Variants in CHRM3 observed in about 807,000 individuals in gnomAD.
The protein encoded by CHRM3 is cholinergic receptor muscarinic 3, also known as muscarinic acetylcholine receptor M3.
In CHRM3, 11 loss-of-function variants were observed where a neutral mutation model predicts 41.8. The observed-to-expected ratio is 0.26, with a 90% confidence interval of 0.17 to 0.44. CHRM3 has a LOEUF of 0.44. Ranked by LOEUF, CHRM3 falls within the 20% of genes least tolerant of loss-of-function variation. The probability of loss-of-function intolerance (pLI) is 1.00; values close to 1 mark genes in which losing one functional copy is unlikely to be tolerated. For missense variants in CHRM3, 571 were observed against 745.4 expected, an observed-to-expected ratio of 0.77 and a Z score of 2.72; for synonymous variants, 297 against 301.4, an observed-to-expected ratio of 0.99 and a Z score of 0.15.
intron 3 of CHRM3, among the ~76,000 whole-genome samples, chr1:239,609,351 T>C (rs1293786991): frequency 1.3e-5 from 2 of 152,236 alleles, no homozygotes; most frequent in African/African-American, 4.8e-5. Context: ...TCTTGCTTAG[T>C]ACTACTCCAT....
chr1:239,863,520 A>G (rs549996106), intron 6 of CHRM3, among the ~76,000 whole-genome samples: 27 of 152,158 alleles, frequency 1.8e-4, no homozygotes, highest in Admixed American at 1.3e-3. Context: ...TGGTCATCCC[A>G]TGGAAGGAAT....
rs1674519813 is a variant in CHRM3 at position 239,672,881 on chromosome 1, C to G, written c.-249-5305C>G. ...GTGGGTAGTGCAGTTTCCCCACCTT[C>G]CTATCATGTCTAAAAGACACGAGAT... is the stretch of plus-strand genomic sequence containing the variant. On this transcript the variant is annotated intron_variant, in intron 4 of 6. Coordinates refer to ENST00000676153, the MANE Select transcript of CHRM3 (RefSeq NM_001375978.1). 2.6e-5 allele frequency among the ~76,000 whole-genome samples: 4 copies of G among 152,048 alleles called. No individual in the cohort carries two copies. The East Asian group carries it at 7.7e-4, about 29-fold the overall frequency.
At chr1:239,709,055 C>A (rs1661498940) in intron 5 of CHRM3, among the ~76,000 whole-genome samples, 1 of 152,004 alleles carries the variant, frequency 6.6e-6, no homozygotes. Context: ...AAATTATACT[C>A]CCTAAAACAT....
intron 1 of CHRM3, among the ~76,000 whole-genome samples, chr1:239,489,763 A>G (rs900140209): frequency 6.6e-6 from 1 of 152,190 alleles, no homozygotes; most frequent in Non-Finnish European, 1.5e-5. Context: ...TCGAGGAACT[A>G]GTGTACAATG....
At chr1:239,452,820 A>C (rs1055367724) in intron 1 of CHRM3, among the ~76,000 whole-genome samples, 1 of 151,878 alleles carries the variant, frequency 6.6e-6, no homozygotes, top group Non-Finnish European at 1.5e-5. Flanking sequence ...ATTTTTTTTG[A>C]GACGGAGTCT....
chr1:239,563,324 A>G lies in CHRM3; in HGVS notation c.-313+17575A>G, dbSNP rs374138499. Among the ~76,000 whole-genome samples, 14 of 152,284 alleles carry G rather than the reference A, an allele frequency of 9.2e-5. 1 individual carries two copies. Among genetic ancestry groups the G allele is most frequent in the Admixed American group, 7.8e-4 (12 of 15,292 alleles). ...TGGTTTACCCCAAGTCAGGAAGACA[A>G]GGTCAGCTCAGAGTGGGCATAAAAT... On this transcript the variant is annotated intron_variant, in intron 3 of 6. Transcript: ENST00000676153.
chr1:239,740,028 G>C (rs958170457), intron 5 of CHRM3, among the ~76,000 whole-genome samples: 1 of 152,176 alleles, frequency 6.6e-6, no homozygotes, highest in Admixed American at 6.5e-5. Context: ...AAGAGTGATA[G>C]AGAAGGAATA....
intron 6 of CHRM3, among the ~76,000 whole-genome samples, chr1:239,843,781 T>C (rs1283753929): frequency 6.6e-6 from 1 of 152,154 alleles, no homozygotes. Context: ...TAGTTTTAGT[T>C]TCTCTTTCAA....
At chr1:239,724,410 C>T (rs1663248571) in intron 5 of CHRM3, among the ~76,000 whole-genome samples, 1 of 151,896 alleles carries the variant, frequency 6.6e-6, no homozygotes, top group African/African-American at 2.4e-5. Context: ...ATGGTAGTGG[C>T]TAAGAGTCAG....
chr1:239,664,426 A>G (rs16842802), intron 4 of CHRM3, among the ~76,000 whole-genome samples: 4,478 of 152,266 alleles, frequency 0.029, 223 homozygotes, highest in African/African-American at 0.1. Context: ...CCTCTAAAAT[A>G]CTTTCCAAAA....
At chr1:239,862,166 T>C (rs1042560031) in intron 6 of CHRM3, among the ~76,000 whole-genome samples, 20 of 152,244 alleles carry the variant, frequency 1.3e-4, no homozygotes, top group African/African-American at 4.6e-4. Context: ...TCATGGTTTT[T>C]GTATTTTCTA....
intron 1 of CHRM3, among the ~76,000 whole-genome samples, chr1:239,393,022 T>A (rs1409861969): frequency 6.6e-6 from 1 of 152,230 alleles, no homozygotes; most frequent in African/African-American, 2.4e-5. Context: ...TGGCTGAGCA[T>A]AGTGGCATAC....
At chr1:239,773,019 G>A (rs1196193029) in intron 5 of CHRM3, among the ~76,000 whole-genome samples, 1 of 152,178 alleles carries the variant, frequency 6.6e-6, no homozygotes. Flanking sequence ...AATCTATACA[G>A]AGGAAGACTT....
intron 1 of CHRM3, among the ~76,000 whole-genome samples, chr1:239,474,062 A>T (rs115715930): frequency 1.3e-5 from 2 of 152,176 alleles, no homozygotes; most frequent in Non-Finnish European, 2.9e-5. Context: ...TTTAAATATT[A>T]TATACATAGC....
At chr1:239,751,805 A>T (rs1665855869) in intron 5 of CHRM3, among the ~76,000 whole-genome samples, 1 of 152,234 alleles carries the variant, frequency 6.6e-6, no homozygotes, top group South Asian at 2.1e-4. Flanking sequence ...ATTCGTGGTG[A>T]ATAAATGATT....
intron 4 of CHRM3, among the ~76,000 whole-genome samples, chr1:239,662,679 A>G (rs756025306): frequency 1.6e-4 from 25 of 152,128 alleles, no homozygotes; most frequent in Non-Finnish European, 2.9e-5. Context: ...ACCCAAGTTA[A>G]TAGTTTTCTG....
At chr1:239,482,747 T>C (rs1317670597) in intron 1 of CHRM3, among the ~76,000 whole-genome samples, 3 of 152,238 alleles carry the variant, frequency 2.0e-5, no homozygotes, top group Non-Finnish European at 4.4e-5. Context: ...ATCATATCTT[T>C]CATATTTATC....
intron 1 of CHRM3, among the ~76,000 whole-genome samples, chr1:239,483,736 T>C (rs1041943146): frequency 1.3e-4 from 20 of 152,178 alleles, no homozygotes; most frequent in African/African-American, 4.8e-4. Flanking sequence ...GAAAGTGGTG[T>C]TAATAAAGTA....
At chr1:239,602,090 A>ATGTGTGTGTGTG (rs1553337601) in intron 3 of CHRM3, among the ~76,000 whole-genome samples, 3,111 of 131,080 alleles carry the variant, frequency 0.024, 66 homozygotes, top group Middle Eastern at 0.055. Context: ...ACATATATAC[A>ATGTGTGTGTGTG]TGTGTGTGTG....
Sources: allele counts gnomAD v4.1 joint callset (sites outside exome capture counted in the v4.1 genomes callset), GRCh38; gene constraint gnomAD v4.1.1; transcripts MANE v1.5; gene names NCBI Gene and HGNC (gene_info 2026-07-23, HGNC 2026-07-21).